The following ATP9B variants were observed in gnomAD, a reference collection of about 807,000 sequenced individuals.
ATP9B encodes the protein ATPase phospholipid transporting 9B, also known as probable phospholipid-transporting ATPase IIB.
Under a neutral mutation model 146.1 loss-of-function variants are expected in ATP9B, and 110 were observed. The ratio of observed to expected loss-of-function variants is 0.75; its 90% CI spans 0.65 to 0.88. The LOEUF is 0.88. ATP9B is among the 40% of genes least tolerant of loss of function. The pLI is 0.00. For missense variants in ATP9B, 1,499 were observed against 1,496.4 expected (o/e 1.00, Z -0.03); for synonymous variants, 604 against 569.7 (o/e 1.06, Z -0.86).
At chr18:79,369,814 T>C (rs548412140) in intron 26 of ATP9B, among the ~76,000 whole-genome samples, 1 of 151,962 alleles carries the variant, frequency 6.6e-6, no homozygotes, top group East Asian at 2.0e-4. Context: ...ATTTGCTTGA[T>C]TTGGCCGGGC....
chr18:79,126,304 T>C lies in ATP9B; in HGVS notation c.596T>C (p.Ile199Thr), dbSNP rs781406293. ...GCTGTTACTATGACACGGGAAGCAATTGATGAATTTCGGCGTTTTCAGCGT... is the reference window on the plus strand; with the variant it reads ...GCTGTTACTATGACACGGGAAGCAACTGATGAATTTCGGCGTTTTCAGCGT... Reference protein sequence around the residue: ...VLAVTMTREAIDEFRRFQRDK... With the variant: ...VLAVTMTREATDEFRRFQRDK... The change falls in exon 5 of 30, where the codon ATT (isoleucine) becomes ACT (threonine). Residue 199 changes from isoleucine to threonine, a missense_variant. Physicochemically the swap from Ile to Thr is moderately conservative, Grantham distance 89. Transcript: ENST00000426216. The C allele has an allele frequency of 9.9e-6, 16 of 1,612,340 alleles. No homozygotes were observed. Among genetic ancestry groups the C allele is most frequent in the Non-Finnish European group, 1.2e-5 (14 of 1,178,850 alleles).
At chr18:79,082,305 A>T (rs187643509) in intron 1 of ATP9B, among the ~76,000 whole-genome samples, 5 of 152,290 alleles carry the variant, frequency 3.3e-5, no homozygotes, top group Admixed American at 3.3e-4. Flanking sequence ...CAATTCCTCT[A>T]ACCTTTTTTC....
intron 15 of ATP9B, among the ~76,000 whole-genome samples, chr18:79,308,319 G>A (rs879405312): frequency 6.6e-6 from 1 of 152,146 alleles, no homozygotes; most frequent in African/African-American, 2.4e-5. Context: ...TGCCCCGCCC[G>A]AGAGACATGA....
At chr18:79,252,651 T>A (rs2145063956) in intron 11 of ATP9B, among the ~76,000 whole-genome samples, 1 of 152,352 alleles carries the variant, frequency 6.6e-6, no homozygotes, top group South Asian at 2.1e-4. Flanking sequence ...GAACTGATGC[T>A]TATTGACATA....
intron 2 of ATP9B, among the ~76,000 whole-genome samples, chr18:79,103,902 C>T (rs1187022194): frequency 6.6e-6 from 1 of 152,050 alleles, no homozygotes; most frequent in Non-Finnish European, 1.5e-5. Flanking sequence ...TGACTGCTAC[C>T]AATTTGCTTA....
Position 79,257,578 on chromosome 18 carries a change from G to A in ATP9B, c.1268+4037G>A, listed in dbSNP as rs143273175. ...TTCCCTGGCCTGGTGTTTATTAAGCGGCAGGCTGCATGGTGAGGCCACCGT... is the reference window on the plus strand; with the variant it reads ...TTCCCTGGCCTGGTGTTTATTAAGCAGCAGGCTGCATGGTGAGGCCACCGT... On this transcript the variant is annotated intron_variant, in intron 12 of 29. Transcript: ENST00000426216. Among the ~76,000 whole-genome samples, 367 of 152,288 alleles carry A rather than the reference G, an allele frequency of 2.4e-3. 2 individuals are homozygous for A. The highest frequency in any genetic ancestry group is 6.4e-3 in the South Asian group (31 of 4,830).
intron 11 of ATP9B, among the ~76,000 whole-genome samples, chr18:79,227,448 A>ATGGG (rs2095747442): frequency 7.0e-6 from 1 of 143,388 alleles, no homozygotes; most frequent in African/African-American, 2.6e-5. Context: ...AATCGGATGG[A>ATGGG]TGGGTGGGTG....
At chr18:79,192,967 C>T (rs1421501079) in intron 8 of ATP9B, among the ~76,000 whole-genome samples, 1 of 152,192 alleles carries the variant, frequency 6.6e-6, no homozygotes, top group Non-Finnish European at 1.5e-5. Context: ...TTTTGACTCA[C>T]ACCTGCTGTT....
chr18:79,204,877 A>G (rs1032497357), intron 9 of ATP9B, among the ~76,000 whole-genome samples: 1 of 152,136 alleles, frequency 6.6e-6, no homozygotes, highest in African/African-American at 2.4e-5. Context: ...TAACCAAGGT[A>G]CTGTTTATTT....
intron 11 of ATP9B, among the ~76,000 whole-genome samples, chr18:79,216,270 T>G (rs2095626347): frequency 6.6e-6 from 1 of 152,150 alleles, no homozygotes; most frequent in Non-Finnish European, 1.5e-5. Context: ...AGGGTCTTGG[T>G]TCTGCGTTGG....
intron 26 of ATP9B, among the ~76,000 whole-genome samples, chr18:79,366,147 A>G (rs1375118643): frequency 1.3e-5 from 2 of 152,346 alleles, no homozygotes; most frequent in South Asian, 2.1e-4. Context: ...ACTGTAGGGA[A>G]GAGACCCGTC....
chr18:79,337,167 G>A, intron 18 of ATP9B, 112 bp from the exon 19 acceptor site: 1 of 1,365,238 alleles, frequency 7.3e-7, no homozygotes, highest in Non-Finnish European at 1.0e-6. Context: ...ACGTACACGT[G>A]TGCACATAGT....
chr18:79,096,397 G>C, intron 1 of ATP9B, 79 bp from the exon 2 acceptor site: 5 of 1,324,858 alleles, frequency 3.8e-6, no homozygotes, highest in Non-Finnish European at 5.3e-6. Flanking sequence ...CTAATTTGAG[G>C]AAATATTGTC....
At position 79,344,225 on chromosome 18, in the gene ATP9B, C is replaced by T. The variant is rs372486294; in HGVS notation, c.2383-40C>T. ...TGTTTCTCTGTGCCTGTAACTTAGA[C>T]AACATTTTAATTTGGGATTCTTTTT... On this transcript the variant is annotated intron_variant, in intron 20 of 29. Transcript: ENST00000426216. 77 of 1,567,152 alleles carry T rather than the reference C, an allele frequency of 4.9e-5. 1 individual carries two copies. In the African/African-American group the frequency reaches 9.7e-4, roughly 20 times the overall value.
chr18:79,270,998 G>A (rs1036712313), intron 12 of ATP9B, among the ~76,000 whole-genome samples: 4 of 152,160 alleles, frequency 2.6e-5, no homozygotes, highest in Non-Finnish European at 5.9e-5. Context: ...TGGCTGCACT[G>A]AAGACCAGCC....
chr18:79,119,273 T>C (rs2094148165), intron 4 of ATP9B, among the ~76,000 whole-genome samples: 1 of 152,220 alleles, frequency 6.6e-6, no homozygotes, highest in East Asian at 1.9e-4. Context: ...AAGAACTTTA[T>C]TTGATTTGTT....
At chr18:79,285,505 T>A (rs2096428575) in intron 13 of ATP9B, among the ~76,000 whole-genome samples, 1 of 152,224 alleles carries the variant, frequency 6.6e-6, no homozygotes. Context: ...TCATTGTAGA[T>A]TCTGGATATT....
chr18:79,361,356 ACT>A (rs2096987253), intron 26 of ATP9B: 1 of 152,142 alleles, frequency 6.6e-6, no homozygotes, highest in Non-Finnish European at 1.5e-5. Flanking sequence ...ATTATCCGTA[ACT>A]GTGGCCATGG....
At chr18:79,108,139 C>T (rs1008827254) in intron 2 of ATP9B, among the ~76,000 whole-genome samples, 1 of 152,110 alleles carries the variant, frequency 6.6e-6, no homozygotes, top group African/African-American at 2.4e-5. Context: ...GAAGGCGACT[C>T]AGAGTAGAAG....
Sources: allele counts gnomAD v4.1 joint callset (sites outside exome capture counted in the v4.1 genomes callset), GRCh38; gene constraint gnomAD v4.1.1; transcripts MANE v1.5; gene names NCBI Gene and HGNC (gene_info 2026-07-23, HGNC 2026-07-21).